The following PCCA variants were observed in gnomAD, a reference collection of about 807,000 sequenced individuals.
PCCA encodes propionyl-CoA carboxylase alpha chain, mitochondrial.
A neutral mutation model predicts 101.3 loss-of-function variants in PCCA; 74 were observed. The ratio of observed to expected loss-of-function variants is 0.73; its 90% CI spans 0.61 to 0.89. The LOEUF (loss-of-function observed/expected upper bound fraction) is 0.89. Among genes scored for constraint, PCCA ranks in the 40% least tolerant of loss-of-function variants. The pLI is 0.00. For missense variants in PCCA, 891 were observed against 907.0 expected (o/e 0.98, Z 0.23); for synonymous variants, 294 against 313.6 (o/e 0.94, Z 0.66).
intron 20 of PCCA, among the ~76,000 whole-genome samples, chr13:100,426,417 AC>A (rs1434776046): frequency 6.6e-6 from 1 of 151,950 alleles, no homozygotes; most frequent in Non-Finnish European, 1.5e-5. Flanking sequence ...ATCTAGCCCC[AC>A]CCATAGCATT....
intron 8 of PCCA, among the ~76,000 whole-genome samples, chr13:100,242,071 A>G (rs2061170702): frequency 6.6e-6 from 1 of 152,158 alleles, no homozygotes; most frequent in Admixed American, 6.6e-5. Flanking sequence ...TTATAAGGAA[A>G]ACTATTGCCA....
chr13:100,170,572 C>T (rs2055532078), intron 6 of PCCA, among the ~76,000 whole-genome samples: 1 of 152,228 alleles, frequency 6.6e-6, no homozygotes, highest in Non-Finnish European at 1.5e-5. Context: ...TATGTTTCCA[C>T]TTCCCAACCT....
intron 4 of PCCA, among the ~76,000 whole-genome samples, chr13:100,117,686 T>G (rs1241782387): frequency 6.6e-6 from 1 of 152,052 alleles, no homozygotes; most frequent in Non-Finnish European, 1.5e-5. Context: ...GACGAGTTGA[T>G]GGGTGCAGCA....
At chr13:100,373,523 C>T (rs2075708311) in intron 19 of PCCA, among the ~76,000 whole-genome samples, 1 of 152,110 alleles carries the variant, frequency 6.6e-6, no homozygotes, top group Non-Finnish European at 1.5e-5. Flanking sequence ...TACGATTCCA[C>T]TTATATGAGG....
At chr13:100,460,294 T>C (rs1842983824) in intron 21 of PCCA, among the ~76,000 whole-genome samples, 1 of 152,252 alleles carries the variant, frequency 6.6e-6, no homozygotes, top group African/African-American at 2.4e-5. Flanking sequence ...TATTTTGTTA[T>C]TAAAGAATGC....
At chr13:100,481,657 C>G (rs73564393) in intron 21 of PCCA, among the ~76,000 whole-genome samples, 2 of 152,088 alleles carry the variant, frequency 1.3e-5, no homozygotes, top group African/African-American at 2.4e-5. Flanking sequence ...GTGTCTACAG[C>G]GTGGAGATGC....
intron 21 of PCCA, among the ~76,000 whole-genome samples, chr13:100,497,413 T>C (rs2085351468): frequency 1.3e-5 from 2 of 152,088 alleles, no homozygotes; most frequent in Admixed American, 1.3e-4. Flanking sequence ...GAAGTGTAAG[T>C]TGTGGAATGG....
At chr13:100,524,726 G>T (rs1030916709) in intron 22 of PCCA, among the ~76,000 whole-genome samples, 3 of 152,050 alleles carry the variant, frequency 2.0e-5, no homozygotes, top group Non-Finnish European at 2.9e-5. Flanking sequence ...ACAAAAATTA[G>T]CTGGGCGTGG....
At chr13:100,161,717 T>A (rs1313455523) in intron 6 of PCCA, 1 of 152,052 alleles carries the variant, frequency 6.6e-6, no homozygotes, top group Non-Finnish European at 1.5e-5. Flanking sequence ...AAGCCCAGGG[T>A]TGTTTATAAC....
At chr13:100,499,818 A>G (rs2085541279) in intron 21 of PCCA, among the ~76,000 whole-genome samples, 1 of 152,260 alleles carries the variant, frequency 6.6e-6, no homozygotes, top group African/African-American at 2.4e-5. Flanking sequence ...TCAAAATAAC[A>G]TAGGAGAAGC....
rs3034652 is a variant in PCCA at position 100,205,538 on chromosome 13, CTTTTTTTTTT to C, written c.469-3785_469-3776del. Among the ~76,000 whole-genome samples the C allele has an allele frequency of 4.5e-5, 5 of 112,136 alleles. No individual in the cohort carries two copies. The South Asian group carries it at 1.6e-3, about 35-fold the overall frequency. The allele number at this position is 112,136 out of a possible 152,430, so 73.6% of individuals were successfully genotyped here. A position where few individuals can be genotyped will look rare whatever the true frequency, so the allele number is the denominator to read the frequency against. ...ATAGTCACTAAATACTTGATATAAG[CTTTTTTTTTT>C]TTTTTTTTGACAATTTTACATTTTT... On this transcript the variant is annotated intron_variant, in intron 6 of 23. Transcript: ENST00000376285.
chr13:100,230,743 CTG>C (rs1220058161), intron 7 of PCCA, among the ~76,000 whole-genome samples: 1 of 152,146 alleles, frequency 6.6e-6, no homozygotes, highest in Non-Finnish European at 1.5e-5. Flanking sequence ...TGAATAACAA[CTG>C]TGCCAGGCGT....
chr13:100,406,263 A>G (rs1310443775), intron 19 of PCCA, among the ~76,000 whole-genome samples: 1 of 152,258 alleles, frequency 6.6e-6, no homozygotes, highest in African/African-American at 2.4e-5. Context: ...GATTCTTACT[A>G]CACTGATGCA....
chr13:100,127,831 G>A (rs940692071), intron 4 of PCCA, among the ~76,000 whole-genome samples: 5 of 152,188 alleles, frequency 3.3e-5, no homozygotes, highest in African/African-American at 1.2e-4. Context: ...AGCAGAGCTT[G>A]CACTGAGCCG....
chr13:100,446,054 T>G (rs1440567214), intron 20 of PCCA, among the ~76,000 whole-genome samples: 1 of 152,214 alleles, frequency 6.6e-6, no homozygotes, highest in Non-Finnish European at 1.5e-5. Flanking sequence ...TTCTTTGTTT[T>G]TTTGAAACAG....
chr13:100,266,065 G>A (rs536265827), intron 10 of PCCA, among the ~76,000 whole-genome samples: 3 of 152,150 alleles, frequency 2.0e-5, no homozygotes, highest in African/African-American at 7.2e-5. Flanking sequence ...TATTTAGATT[G>A]TCCTTCTTGT....
At chr13:100,483,301 T>A (rs180827080) in intron 21 of PCCA, among the ~76,000 whole-genome samples, 51 of 151,886 alleles carry the variant, frequency 3.4e-4, no homozygotes, top group Admixed American at 1.6e-3. Context: ...CCCTTTGATG[T>A]ATTCCCAGAT....
intron 21 of PCCA, among the ~76,000 whole-genome samples, chr13:100,488,451 A>T (rs2084583316): frequency 6.6e-6 from 1 of 152,140 alleles, no homozygotes; most frequent in African/African-American, 2.4e-5. Context: ...TTTGAAAAAA[A>T]TTGCAAAAAT....
intron 4 of PCCA, among the ~76,000 whole-genome samples, chr13:100,114,674 G>A (rs1351332103): frequency 6.6e-6 from 1 of 152,188 alleles, no homozygotes; most frequent in African/African-American, 2.4e-5. Flanking sequence ...ACAGGTATAT[G>A]TAAAGGTGCT....
Sources: gnomAD v4.1 joint callset for allele counts (sites outside exome capture counted in the v4.1 genomes callset) on GRCh38, gnomAD v4.1.1 for gene constraint, MANE v1.5 for transcripts, NCBI Gene and HGNC (gene_info 2026-07-23, HGNC 2026-07-21) for gene names.